The following AAMDC variants were observed in gnomAD, a reference collection of about 807,000 sequenced individuals.
AAMDC encodes the protein mth938 domain-containing protein.
Under a neutral mutation model 15.5 loss-of-function variants are expected in AAMDC, and 16 were observed. The observed-to-expected ratio is 1.03, with a 90% CI of 0.70 to 1.57. AAMDC has a LOEUF of 1.57. Ranked by LOEUF, AAMDC falls within the 40% of genes most tolerant of loss-of-function variation. AAMDC has a pLI of 0.00. For missense variants in AAMDC, 141 were observed against 144.9 expected, an observed-to-expected ratio of 0.97 and a Z score of 0.14; for synonymous variants, 51 against 51.6, an observed-to-expected ratio of 0.99 and a Z score of 0.05.
Position 77,891,248 on chromosome 11 carries a change from G to A in AAMDC, c.329-9323G>A, listed in dbSNP as rs906814830. The A allele has an allele frequency of 5.5e-6, 8 of 1,450,840 alleles. No individual in the cohort carries two copies. The African/African-American group carries it at 1.1e-4, about 20-fold the overall frequency. The allele number at this position is 1,450,840 out of a possible 1,614,324, so 89.9% of individuals were successfully genotyped here. A position where few individuals can be genotyped will look rare whatever the true frequency, so the allele number is the denominator to read the frequency against. Reference sequence around the variant, plus strand: ...TTCTGTCCCTCAAGTAGAGACTACAGGGGTGCTAACATTAAATACTTCAAC... The same window carrying A: ...TTCTGTCCCTCAAGTAGAGACTACAAGGGTGCTAACATTAAATACTTCAAC... On this transcript the variant is annotated intron_variant, in intron 5 of 5. Coordinates refer to the AAMDC transcript ENST00000304716.
At chr11:77,854,929 T>C (rs1022574894) in intron 2 of AAMDC, among the ~76,000 whole-genome samples, 2 of 152,172 alleles carry the variant, frequency 1.3e-5, no homozygotes, top group Non-Finnish European at 2.9e-5. Context: ...CTCTAAAAAC[T>C]AGGCAGAGGC....
At chr11:77,851,189 G>A (rs908845393) in intron 2 of AAMDC, among the ~76,000 whole-genome samples, 73 of 152,088 alleles carry the variant, frequency 4.8e-4, no homozygotes, top group African/African-American at 1.6e-3. Context: ...TCCTGACCTC[G>A]TGATCCACCT....
chr11:77,877,138 G>A (rs1379931369), downstream of AAMDC: 1 of 661,530 alleles, frequency 1.5e-6, no homozygotes, highest in Non-Finnish European at 2.8e-6. Context: ...GAAATAGACT[G>A]CCTGGAAATA....
At position 77,891,580 on chromosome 11, in the gene AAMDC, C is replaced by A. The variant is rs569970123; in HGVS notation, c.329-8991C>A. On this transcript the variant is annotated intron_variant, in intron 5 of 5. Transcript: ENST00000304716. ...GGCATGTGGGAGCCACTCAGAGGAA[C>A]AGCCTAGCCCAGCTGCTCCACTGGT... 13 of 1,565,240 alleles carry A rather than the reference C, an allele frequency of 8.3e-6. No homozygotes were observed. In the South Asian group the frequency reaches 1.3e-4, roughly 16 times the overall value.
At chr11:77,824,126 T>C (rs1949065025) in intron 1 of AAMDC, among the ~76,000 whole-genome samples, 1 of 152,234 alleles carries the variant, frequency 6.6e-6, no homozygotes, top group Non-Finnish European at 1.5e-5. Context: ...CTTCCTTCAC[T>C]AAAGTCTGTT....
intron 5 of AAMDC, among the ~76,000 whole-genome samples, chr11:77,881,911 GTTTT>G (rs951135442): frequency 4.1e-5 from 6 of 144,990 alleles, no homozygotes; most frequent in Non-Finnish European, 9.1e-5. Flanking sequence ...GTTTCTGATG[GTTTT>G]TTTTTTTTTC....
At chr11:77,837,495 C>T (rs1011621799) in intron 1 of AAMDC, among the ~76,000 whole-genome samples, 3 of 152,060 alleles carry the variant, frequency 2.0e-5, no homozygotes, top group Non-Finnish European at 4.4e-5. Context: ...CGCTCTGTCA[C>T]CCAGGCTGGA....
chr11:77,878,520 A>G (rs570736728), intron 5 of AAMDC, among the ~76,000 whole-genome samples: 1 of 152,160 alleles, frequency 6.6e-6, no homozygotes, highest in South Asian at 2.1e-4. Context: ...AAAAAAAAGT[A>G]CAGCTGTTAA....
chr11:77,879,647 G>A (rs1951717047), intron 5 of AAMDC, among the ~76,000 whole-genome samples: 2 of 152,130 alleles, frequency 1.3e-5, no homozygotes, highest in Non-Finnish European at 2.9e-5. Context: ...TAAAATGTCT[G>A]AAAACATCTC....
chr11:77,880,924 AAAAC>A (rs532440350), intron 5 of AAMDC, among the ~76,000 whole-genome samples: 139 of 152,258 alleles, frequency 9.1e-4, no homozygotes, highest in East Asian at 3.9e-3. Flanking sequence ...ACCCTGTCTC[AAAAC>A]AAACAAACAA....
downstream of AAMDC, among the ~76,000 whole-genome samples, chr11:77,876,059 G>A (rs1951585519): frequency 1.3e-5 from 2 of 152,102 alleles, no homozygotes; most frequent in South Asian, 2.1e-4. Flanking sequence ...ACTTAAGGAG[G>A]GCTGATGGTG....
At chr11:77,832,619 C>T (rs1243948610) in intron 1 of AAMDC, among the ~76,000 whole-genome samples, 1 of 152,024 alleles carries the variant, frequency 6.6e-6, no homozygotes, top group African/African-American at 2.4e-5. Context: ...AGCCACCGCG[C>T]CTGGCCATAG....
At chr11:77,850,062 G>A (rs553006828) in intron 2 of AAMDC, among the ~76,000 whole-genome samples, 4 of 152,220 alleles carry the variant, frequency 2.6e-5, no homozygotes, top group African/African-American at 7.2e-5. Flanking sequence ...CTCAATAAAT[G>A]TTTGCTGAAT....
At chr11:77,904,825 G>A (rs1952892915), downstream of AAMDC, among the ~76,000 whole-genome samples, 1 of 152,128 alleles carries the variant, frequency 6.6e-6, no homozygotes, top group Admixed American at 6.5e-5. Context: ...GTTGTATGCA[G>A]GATAGTTGCA....
chr11:77,893,938 A>G (rs995763636), intron 5 of AAMDC, among the ~76,000 whole-genome samples: 8 of 141,164 alleles, frequency 5.7e-5, no homozygotes, highest in African/African-American at 2.1e-4. Context: ...AATGGTGTGA[A>G]CGAACAGTGT....
At chr11:77,883,889 C>T (rs1951886919) in intron 5 of AAMDC, 1 of 1,613,158 alleles carries the variant, frequency 6.2e-7, no homozygotes, top group African/African-American at 1.3e-5. Context: ...CGCCCTGGGC[C>T]AGGATTCCGG....
At chr11:77,858,011 C>G (rs1319048721) in intron 2 of AAMDC, among the ~76,000 whole-genome samples, 2 of 151,960 alleles carry the variant, frequency 1.3e-5, no homozygotes, top group Non-Finnish European at 2.9e-5. Context: ...AGGTTTTAAG[C>G]CCCACATGCA....
intron 5 of AAMDC, among the ~76,000 whole-genome samples, chr11:77,893,146 A>T (rs1952351785): frequency 6.6e-6 from 1 of 152,020 alleles, no homozygotes; most frequent in African/African-American, 2.4e-5. Flanking sequence ...AAGTCTGGTC[A>T]CTCCCTCGAC....
At chr11:77,888,315 C>A (rs377602863) in intron 5 of AAMDC, among the ~76,000 whole-genome samples, 4 of 152,234 alleles carry the variant, frequency 2.6e-5, no homozygotes, top group African/African-American at 9.6e-5. Context: ...CAAAAACAAG[C>A]AATGGGGAAA....
Sources: gnomAD v4.1 joint callset for allele counts (sites outside exome capture counted in the v4.1 genomes callset) on GRCh38, gnomAD v4.1.1 for gene constraint, MANE v1.5 for transcripts, NCBI Gene and HGNC (gene_info 2026-07-23, HGNC 2026-07-21) for gene names.